UGDH: variants seen among roughly 807,000 people sequenced by gnomAD.
UGDH encodes UDP-Glc dehydrogenase.
In UGDH, 38 loss-of-function variants were observed where a neutral mutation model predicts 50.6. The observed-to-expected ratio is 0.75, with a 90% CI of 0.58 to 0.98. The LOEUF is 0.98. UGDH is among the 50% of genes least tolerant of loss of function. The pLI, the probability that UGDH is intolerant of heterozygous loss-of-function variation, is 0.00. For synonymous variants in UGDH, 168 were observed against 199.9 expected (o/e 0.84, Z 1.35); for missense variants, 465 against 606.2 (o/e 0.77, Z 2.45).
intron 2 of UGDH, among the ~76,000 whole-genome samples, chr4:39,521,024 C>T (rs1000586805): frequency 2.0e-5 from 3 of 146,944 alleles, no homozygotes; most frequent in Non-Finnish European, 3.0e-5. Context: ...GAGCTGAGCT[C>T]GCGTCATTGC....
At chr4:39,518,409 C>T (rs747530673) in intron 2 of UGDH, among the ~76,000 whole-genome samples, 4 of 151,738 alleles carry the variant, frequency 2.6e-5, no homozygotes, top group Admixed American at 1.3e-4. Flanking sequence ...AGTGCAGTGG[C>T]GCCAACAGGG....
intron 2 of UGDH, among the ~76,000 whole-genome samples, chr4:39,519,572 TCTGTAGCC>T (rs1746567217): frequency 6.6e-6 from 1 of 152,104 alleles, no homozygotes; most frequent in African/African-American, 2.4e-5. Context: ...GAAGTCTTGC[TCTGTAGCC>T]CAGGCTGGAG....
In UGDH at chr4:39,505,630, G is replaced by C. The variant is rs1203959093; in HGVS notation, c.1025C>G (p.Thr342Ser). The C allele has an allele frequency of 5.0e-6, 8 of 1,604,480 alleles. No homozygotes were observed. The highest frequency in any genetic ancestry group is 6.8e-6 in the Non-Finnish European group (8 of 1,175,088). The change falls in exon 8 of 12, where the codon ACT (threonine) becomes AGT (serine). Residue 342 changes from threonine (T) to serine (S), a missense_variant. Transcript: ENST00000316423. ...TAAAAACTGATACCTTGTATCACCA[G>C]TGTCCTTTTTGAATGCAAATCCCAA... The part of the protein sequence containing the change: ...AILGFAFKKD[T>S]GDTRESSSIY...
At position 39,510,542 on chromosome 4, in the gene UGDH, G is replaced by T. The variant is rs1349567764; in HGVS notation, c.474C>A (p.Ser158=). The part of the protein sequence containing the change: ...TKPNLNLQVL[S]NPEFLAEGTA... ...TTCCCTCTGCCAGAAACTCAGGGTT[G>T]GACAGCACCTAGAATCCCAATGCAA... Residue 158 remains serine, a synonymous_variant, in exon 5 of 12, where the codon TCC becomes TCA. Transcript: ENST00000316423. 6.2e-7 allele frequency: 1 copy of T among 1,613,934 alleles called. No homozygotes were observed. Among genetic ancestry groups the T allele is most frequent in the Admixed American group, 1.7e-5 (1 of 59,996 alleles).
chr4:39,503,921 C>T lies in UGDH; in HGVS notation c.1328G>A (p.Arg443His), dbSNP rs1053767552. Residue 443 changes from arginine (R) to histidine (H), a missense_variant, in exon 11 of 12, where the codon CGT (arginine) becomes CAT (histidine). Coordinates refer to ENST00000316423, the MANE Select transcript of UGDH (RefSeq NM_003359.4). ...LKPAFIFDGR[R>H]VLDGLHNELQ... The stretch of plus-strand genomic sequence containing the variant: ...TTCATTGTGGAGCCCATCCAGGACA[C>T]GCCGTCCATCGAAGATAAAGGCTGG... 10 of 1,614,026 alleles carry T rather than the reference C, an allele frequency of 6.2e-6. No homozygotes were observed. The highest frequency in any genetic ancestry group is 1.3e-5 in the African/African-American group (1 of 74,930).
intron 6 of UGDH, among the ~76,000 whole-genome samples, chr4:39,508,887 G>C (rs1009899947): frequency 1.3e-5 from 2 of 149,898 alleles, no homozygotes; most frequent in African/African-American, 4.9e-5. Context: ...TTATGGCTAC[G>C]TTTAACTTTT....
chr4:39,519,551 TA>T (rs1376506646), intron 2 of UGDH, among the ~76,000 whole-genome samples: 1 of 152,026 alleles, frequency 6.6e-6, no homozygotes, highest in Admixed American at 6.6e-5. Context: ...TATATATATA[TA>T]TTTTGAGACG....
intron 2 of UGDH, among the ~76,000 whole-genome samples, chr4:39,514,839 C>T (rs1746384491): frequency 6.6e-6 from 1 of 152,004 alleles, no homozygotes. Context: ...TGCACCACCA[C>T]ACTGGGCTAA....
At chr4:39,510,291 A>C in intron 5 of UGDH, 62 bp downstream of exon 5, 2 of 1,530,540 alleles carry the variant, frequency 1.3e-6, no homozygotes, top group Non-Finnish European at 1.8e-6. Context: ...GTAGTTTATC[A>C]GGCTTGAAAT....
chr4:39,518,827 C>T (rs1044292695), intron 2 of UGDH, among the ~76,000 whole-genome samples: 3 of 152,030 alleles, frequency 2.0e-5, no homozygotes, highest in Non-Finnish European at 4.4e-5. Context: ...GATATTCTTA[C>T]CAAGCAGTGC....
intron 6 of UGDH, 113 bp from the exon 7 acceptor site, chr4:39,508,773 A>G (rs929980362): frequency 4.5e-5 from 40 of 880,564 alleles, no homozygotes; most frequent in Non-Finnish European, 4.8e-5. Context: ...TTTTAATAAT[A>G]AAATTCAGAT....
At chr4:39,510,938 A>G (rs1746223149) in intron 3 of UGDH, 77 bp from the exon 4 acceptor site, 1 of 1,454,636 alleles carries the variant, frequency 6.9e-7, no homozygotes, top group Non-Finnish European at 9.6e-7. Flanking sequence ...ACTACTGGTT[A>G]AAGTGTGGAG....
chr4:39,510,610 C>A (rs1289746625), intron 4 of UGDH, 51 bp downstream of exon 4: 1 of 1,613,958 alleles, frequency 6.2e-7, no homozygotes, highest in South Asian at 1.1e-5. Flanking sequence ...AACTTTAACA[C>A]ATCAGTATTT....
chr4:39,527,064 A>G, intron 1 of UGDH: 1 of 1,289,424 alleles, frequency 7.8e-7, no homozygotes, highest in Non-Finnish European at 1.0e-6. Flanking sequence ...AGTCTTGAAT[A>G]AGAAGCCCAG....
chr4:39,526,983 G>A lies in UGDH; in HGVS notation c.-8+300C>T. Reference sequence around the variant, plus strand: ...CTGTGGTGGGCGTTCGGCTTTGGAGGCGGCAGGGAAATCTCATCCAAGTCA... The same window carrying A: ...CTGTGGTGGGCGTTCGGCTTTGGAGACGGCAGGGAAATCTCATCCAAGTCA... On this transcript the variant is annotated intron_variant, in intron 1 of 11. Coordinates refer to ENST00000316423, the MANE Select transcript of UGDH (RefSeq NM_003359.4). 2.3e-6 allele frequency: 3 copies of A among 1,285,352 alleles called. No individual in the cohort carries two copies. In the South Asian group the frequency reaches 3.7e-5, roughly 16 times the overall value. 79.6% of individuals were successfully genotyped at this position (1,285,352 alleles called of 1,614,324 possible). A position where few individuals can be genotyped will look rare whatever the true frequency, so the allele number is the denominator to read the frequency against.
At chr4:39,520,213 C>A (rs904752856) in intron 2 of UGDH, among the ~76,000 whole-genome samples, 6 of 152,050 alleles carry the variant, frequency 3.9e-5, no homozygotes, top group Admixed American at 2.0e-4. Flanking sequence ...GTGGTGGGCA[C>A]CTATAATTCC....
rs142291532 is a variant in UGDH at position 39,526,770 on chromosome 4, C to T, written c.-8+513G>A. On this transcript the variant is annotated intron_variant, in intron 1 of 11. Coordinates refer to ENST00000316423, the MANE Select transcript of UGDH (RefSeq NM_003359.4). ...GGCCAACAATGGATTCCAGGACATC[C>T]CGGACAGATATCACGGCAGTCTTAG... Among the ~76,000 whole-genome samples the T allele has an allele frequency of 7.2e-5, 11 of 152,264 alleles. No homozygotes were observed. In the East Asian group the frequency reaches 1.9e-3, roughly 27 times the overall value.
intron 1 of UGDH, chr4:39,527,033 G>A: frequency 7.8e-7 from 1 of 1,289,408 alleles, no homozygotes; most frequent in African/African-American, 1.5e-5. Flanking sequence ...GGCAGAAAGA[G>A]AAGGGGCTGG....
In UGDH at chr4:39,508,579, C is replaced by T. The variant is rs968491131; in HGVS notation, c.893G>A (p.Arg298His). The T allele has an allele frequency of 1.3e-5, 21 of 1,610,420 alleles. No homozygotes were observed. The East Asian group carries it at 3.2e-4, about 24-fold the overall frequency. Residue 298 changes from arginine (R) to histidine (H), a missense_variant, in exon 7 of 12, where the codon CGT becomes CAT. Transcript: ENST00000316423. ...CEALNLPEVA[R>H]YWQQVIDMND... Reference sequence around the variant, plus strand: ...AGAGATTAATACCTGCTGCCAATAACGAGCTACTTCTGGCAAATTCAGAGC... The same window carrying T: ...AGAGATTAATACCTGCTGCCAATAATGAGCTACTTCTGGCAAATTCAGAGC...
Sources: allele counts gnomAD v4.1 joint callset (sites outside exome capture counted in the v4.1 genomes callset), GRCh38; gene constraint gnomAD v4.1.1; transcripts MANE v1.5; gene names NCBI Gene and HGNC (gene_info 2026-07-23, HGNC 2026-07-21).